Variants in RNF103 observed in about 807,000 individuals in gnomAD.
The protein encoded by RNF103 is E3 ubiquitin-protein ligase RNF103.
A neutral mutation model predicts 66.2 loss-of-function variants in RNF103; 23 were observed. The observed-to-expected ratio is 0.35, with a 90% CI of 0.25 to 0.49. The LOEUF (loss-of-function observed/expected upper bound fraction) is 0.49. Among genes scored for constraint, RNF103 ranks in the 20% least tolerant of loss-of-function variants. RNF103 has a pLI of 0.98. For synonymous variants in RNF103, 297 were observed against 289.9 expected (o/e 1.02, Z -0.25); for missense variants, 730 against 814.7 (o/e 0.90, Z 1.27).
rs138890703 is a variant in RNF103 at position 86,604,583 on chromosome 2, G to A, written c.1318C>T (p.Arg440Cys). Reference sequence around the variant, plus strand: ...TTGACTTCATCATTGTTGTTGTTGCGCCTTCTCTTCTTCTCAAAGTAATCA... The same window carrying A: ...TTGACTTCATCATTGTTGTTGTTGCACCTTCTCTTCTTCTCAAAGTAATCA... ...LIDYFEKKRR[R>C]NNNNDEVNAN... Residue 440 changes from arginine (R) to cysteine (C), a missense_variant, in exon 4 of 4, where the codon CGC becomes TGC. By Grantham distance (180) the Arg-to-Cys change is radical (BLOSUM62 -3). Coordinates refer to ENST00000237455, the MANE Select transcript of RNF103 (RefSeq NM_005667.4). 135 of 1,613,986 alleles carry A rather than the reference G, an allele frequency of 8.4e-5. No homozygotes were observed. Among genetic ancestry groups the A allele is most frequent in the Middle Eastern group, 3.3e-4 (2 of 6,084 alleles).
Position 86,604,623 on chromosome 2 carries a change from A to G in RNF103, c.1278T>C (p.Gly426=). The G allele has an allele frequency of 6.2e-7, 1 of 1,614,178 alleles. No individual in the cohort carries two copies. Among genetic ancestry groups the G allele is most frequent in the Admixed American group, 1.7e-5 (1 of 60,012 alleles). ...CAAAGTAATCAATTAGTAAACCATG[A>G]CCAAGGTATGTACTGAGAAACAGGG... ...HPALFLSTYL[G]HGLLIDYFEK... Residue 426 remains glycine, a synonymous_variant, in exon 4 of 4, where the codon GGT becomes GGC. Coordinates refer to ENST00000237455, the MANE Select transcript of RNF103 (RefSeq NM_005667.4).
chr2:86,618,648 A>G (rs1353791692), intron 2 of RNF103: 1 of 152,260 alleles, frequency 6.6e-6, no homozygotes, highest in Non-Finnish European at 1.5e-5. Context: ...GGTGTGCAAC[A>G]TCTTCACCAT....
In RNF103 at chr2:86,623,471, C is replaced by T; in HGVS notation, c.-585G>A. ...GTTCTGCGCGGGGAGGAGCGGCCGC[C>T]GCAACGCCGCGCCCGAAGCCCAGGC... On this transcript the variant is annotated 5_prime_UTR_variant, in exon 1 of 4. Transcript: ENST00000237455. 5 of 982,266 alleles carry T rather than the reference C, an allele frequency of 5.1e-6. No individual in the cohort carries two copies. Among genetic ancestry groups the T allele is most frequent in the Non-Finnish European group, 6.0e-6 (5 of 828,722 alleles). The allele number at this position is 982,266 out of a possible 1,614,324, so 60.8% of individuals were successfully genotyped here. A position where few individuals can be genotyped will look rare whatever the true frequency, so the allele number is the denominator to read the frequency against.
chr2:86,622,189 T>C (rs1480825387), intron 1 of RNF103, among the ~76,000 whole-genome samples: 1 of 152,196 alleles, frequency 6.6e-6, no homozygotes, highest in Non-Finnish European at 1.5e-5. Context: ...AACATTTAAA[T>C]CCTAGGCCCA....
intron 3 of RNF103, among the ~76,000 whole-genome samples, chr2:86,608,195 T>C (rs1678643025): frequency 6.6e-6 from 1 of 152,108 alleles, no homozygotes; most frequent in Non-Finnish European, 1.5e-5. Flanking sequence ...GCATGCTATA[T>C]TTAAGAAGAA....
chr2:86,615,055 C>T (rs1270776413), intron 2 of RNF103: 5 of 985,008 alleles, frequency 5.1e-6, no homozygotes, highest in Non-Finnish European at 6.0e-6. Context: ...ATAAGAGCTC[C>T]AATGTTAGGA....
intron 2 of RNF103, among the ~76,000 whole-genome samples, chr2:86,619,818 C>A (rs1434344392): frequency 6.6e-6 from 1 of 152,124 alleles, no homozygotes; most frequent in Non-Finnish European, 1.5e-5. Context: ...AAATTATAAT[C>A]TCATCATCCT....
chr2:86,605,060 C>T lies in RNF103; in HGVS notation c.841G>A (p.Gly281Ser), dbSNP rs1405953257. Residue 281 changes from glycine to serine, a missense_variant, in exon 4 of 4, where the codon GGC becomes AGC. Around this residue, in one of 3 missense-constraint regions of RNF103, gnomAD observed 327 missense variants for 369.8 expected, o/e 0.88. Coordinates refer to ENST00000237455, the MANE Select transcript of RNF103 (RefSeq NM_005667.4). ...WDNKSYMTDIGIYNMPSYILR... is the reference protein window; with the variant it reads ...WDNKSYMTDISIYNMPSYILR... The stretch of plus-strand genomic sequence containing the variant: ...ATGTATGATGGCATATTATATATGC[C>T]AATATCTGTCATATAACTCTTGTTG... The T allele has an allele frequency of 6.2e-7, 1 of 1,613,836 alleles. No homozygotes were observed. The highest frequency in any genetic ancestry group is 1.7e-5 in the Admixed American group (1 of 59,980).
chr2:86,620,424 T>G lies in RNF103; in HGVS notation c.272A>C (p.Glu91Ala), dbSNP rs147202579. 1.2e-4 allele frequency: 197 copies of G among 1,606,102 alleles called. No homozygotes were observed. Among genetic ancestry groups the G allele is most frequent in the East Asian group, 1.6e-4 (7 of 44,872 alleles). Residue 91 changes from glutamate (E) to alanine (A), a missense_variant, in exon 2 of 4, where the codon GAA becomes GCA. Around this residue, in one of 3 missense-constraint regions of RNF103, gnomAD observed 327 missense variants for 369.8 expected, o/e 0.88. Coordinates refer to ENST00000237455, the MANE Select transcript of RNF103 (RefSeq NM_005667.4). ...GELYSALKEEEASESVSSTNF... is the reference protein window; with the variant it reads ...GELYSALKEEAASESVSSTNF... Reference sequence around the variant, plus strand: ...GGTACTAGAAACCGATTCGGATGCTTCTTCTTCCTTGAGAGCAGAATAGAG... The same window carrying G: ...GGTACTAGAAACCGATTCGGATGCTGCTTCTTCCTTGAGAGCAGAATAGAG...
At position 86,620,487 on chromosome 2, in the gene RNF103, A is replaced by AT; in HGVS notation, c.227-19dup. On this transcript the variant is annotated intron_variant, in intron 1 of 3. Transcript: ENST00000237455. The stretch of plus-strand genomic sequence containing the variant: ...CAAGTCACCTGAAGAAAGGAAAAGA[A>AT]TAACACTAATAAGGTTGCAAGAATC... The AT allele has an allele frequency of 6.5e-7, 1 of 1,545,286 alleles. No individual in the cohort carries two copies. The highest frequency in any genetic ancestry group is 8.8e-7 in the Non-Finnish European group (1 of 1,135,596).
At chr2:86,616,827 TAGG>T (rs1432733015) in intron 2 of RNF103, 2 of 985,310 alleles carry the variant, frequency 2.0e-6, no homozygotes, top group African/African-American at 3.5e-5. Context: ...ACAGAAATGT[TAGG>T]AGGAGGATAA....
At position 86,604,170 on chromosome 2, in the gene RNF103, T is replaced by C. The variant is rs754813290; in HGVS notation, c.1731A>G (p.Ser577=). 6.2e-6 allele frequency: 10 copies of C among 1,613,608 alleles called. No individual in the cohort carries two copies. In the East Asian group the frequency reaches 2.2e-4, roughly 36 times the overall value. The change falls in exon 4 of 4, where the codon TCA becomes TCG. Residue 577 remains serine (S), a synonymous_variant. Coordinates refer to ENST00000237455, the MANE Select transcript of RNF103 (RefSeq NM_005667.4). ...TASHCDAEAC[S]CANKYCQTSP... ...TGGTCTGACAATATTTATTGGCACA[T>C]GAACAAGCCTCAGCATCACAGTGAC...
At position 86,612,293 on chromosome 2, in the gene RNF103, A is replaced by G. The variant is rs1678828450; in HGVS notation, c.367-19T>C. ...CTATGACCTATTCCCAAAAATAGAG[A>G]AAAAGAAACTTGAATTACCTAAAAT... On this transcript the variant is annotated intron_variant, in intron 2 of 3. Transcript: ENST00000237455. 1 of 1,484,718 alleles carries G rather than the reference A, an allele frequency of 6.7e-7. No individual in the cohort carries two copies. Among genetic ancestry groups the G allele is most frequent in the Admixed American group, 1.9e-5 (1 of 52,476 alleles). The allele number at this position is 1,484,718 out of a possible 1,614,324, so 92.0% of individuals were successfully genotyped here.
Position 86,623,131 on chromosome 2 carries a change from G to A in RNF103, c.-245C>T. On this transcript the variant is annotated 5_prime_UTR_variant, in exon 1 of 4. Coordinates refer to ENST00000237455, the MANE Select transcript of RNF103 (RefSeq NM_005667.4). The stretch of plus-strand genomic sequence containing the variant: ...GCGCCGGGCCTCCCAGTCAAGAGCC[G>A]ACAAAAATAAAGGGGAAAAACTCAA... 2.5e-6 allele frequency: 3 copies of A among 1,198,726 alleles called. No individual in the cohort carries two copies. In the African/African-American group the frequency reaches 4.8e-5, roughly 19 times the overall value. 74.3% of individuals were successfully genotyped at this position (1,198,726 alleles called of 1,614,324 possible). A position where few individuals can be genotyped will look rare whatever the true frequency, so the allele number is the denominator to read the frequency against.
Position 86,623,275 on chromosome 2 carries a change from C to G in RNF103, c.-389G>C, listed in dbSNP as rs1157965933. ...GACCCAGGTGGCGGGGTCGGCCCTC[C>G]GGTGCCGCGATCTCAAGGGGGAGGG... is the stretch of plus-strand genomic sequence containing the variant. On this transcript the variant is annotated 5_prime_UTR_variant, in exon 1 of 4. Transcript: ENST00000237455. 3.0e-6 allele frequency: 3 copies of G among 996,022 alleles called. No homozygotes were observed. The South Asian group carries it at 1.4e-4, about 45-fold the overall frequency. 61.7% of individuals were successfully genotyped at this position (996,022 alleles called of 1,614,324 possible). A position where few individuals can be genotyped will look rare whatever the true frequency, so the allele number is the denominator to read the frequency against.
chr2:86,617,766 A>G (rs1403642462), intron 2 of RNF103: 14 of 1,016,060 alleles, frequency 1.4e-5, no homozygotes, highest in South Asian at 3.7e-5. Flanking sequence ...TTTCTAGTAG[A>G]TATTTTCAAT....
rs1462336650 is a variant in RNF103, at chr2:86,620,472, GAAGA to G, written c.227-7_227-4del. 6.4e-7 allele frequency: 1 copy of G among 1,564,398 alleles called. No individual in the cohort carries two copies. The highest frequency in any genetic ancestry group is 8.7e-7 in the Non-Finnish European group (1 of 1,148,136). ...GAGCTCACCCTCCATCAAGTCACCT[GAAGA>G]AAGGAAAAGAATAACACTAATAAGG... On this transcript the variant is annotated splice_polypyrimidine_tract_variant and splice_region_variant and intron_variant, in intron 1 of 3. Transcript: ENST00000237455.
intron 3 of RNF103, among the ~76,000 whole-genome samples, chr2:86,611,622 G>A (rs138704805): frequency 8.2e-4 from 124 of 152,106 alleles, no homozygotes; most frequent in African/African-American, 2.5e-3. Flanking sequence ...GGGGAAAACC[G>A]GCGAAGGACA....
chr2:86,612,070 T>C (rs1307206501), intron 3 of RNF103, 89 bp downstream of exon 3: 4 of 776,592 alleles, frequency 5.2e-6, no homozygotes, highest in Non-Finnish European at 8.6e-6. Flanking sequence ...AAGCTTTCAG[T>C]TCAAGCAGGC....
Sources: allele counts gnomAD v4.1 joint callset (sites outside exome capture counted in the v4.1 genomes callset), GRCh38; gene constraint gnomAD v4.1.1; regional missense constraint gnomAD v4.1.1; transcripts MANE v1.5; gene names NCBI Gene and HGNC (gene_info 2026-07-23, HGNC 2026-07-21).